LURAP1L: variants seen among roughly 807,000 people sequenced by gnomAD.
LURAP1L encodes the protein leucine rich adaptor protein 1 like.
LURAP1L carries 12 observed loss-of-function variants against 13.8 expected under a neutral mutation model. The observed-to-expected ratio is 0.87, with a 90% CI of 0.56 to 1.41. The LOEUF is 1.41. Among genes scored for constraint, LURAP1L ranks in the 40% most tolerant of loss-of-function variants. The pLI is 0.00. For synonymous variants in LURAP1L, 139 were observed against 119.2 expected (o/e 1.17, Z -1.08); for missense variants, 375 against 292.9 (o/e 1.28, Z -2.04).
chr9:12,780,842 C>G (rs1819259622), intron 1 of LURAP1L, among the ~76,000 whole-genome samples: 1 of 152,046 alleles, frequency 6.6e-6, no homozygotes, highest in East Asian at 1.9e-4. Flanking sequence ...TACTCCTCCC[C>G]ATTTTACTCT....
chr9:12,787,573 C>T lies in LURAP1L; in HGVS notation c.312+11546C>T, dbSNP rs547437148. 6.6e-5 allele frequency among the ~76,000 whole-genome samples: 10 copies of T among 152,300 alleles called. No individual in the cohort carries two copies. In the South Asian group the frequency reaches 1.9e-3, roughly 28 times the overall value. On this transcript the variant is annotated intron_variant, in intron 1 of 1. Transcript: ENST00000319264. ...GTTATCCAGACAAATTCTCTACTCT[C>T]ATCCTAGCCAGTTGATCATCAACCT...
chr9:12,777,259 G>A, intron 1 of LURAP1L: 3 of 985,328 alleles, frequency 3.0e-6, no homozygotes, highest in Non-Finnish European at 3.6e-6. Context: ...GAAAGTGGAA[G>A]TCATCTTGAT....
chr9:12,800,883 T>C (rs1819577035), intron 1 of LURAP1L, among the ~76,000 whole-genome samples: 1 of 152,124 alleles, frequency 6.6e-6, no homozygotes, highest in Non-Finnish European at 1.5e-5. Context: ...CTAATACACT[T>C]AGTAACCGGC....
intron 1 of LURAP1L, among the ~76,000 whole-genome samples, chr9:12,791,699 C>A (rs1036076864): frequency 1.3e-5 from 2 of 151,080 alleles, no homozygotes; most frequent in Admixed American, 1.3e-4. Context: ...TTTACACACA[C>A]ACACACACAC....
intron 1 of LURAP1L, among the ~76,000 whole-genome samples, chr9:12,793,982 G>A: frequency 6.6e-6 from 1 of 152,044 alleles, no homozygotes; most frequent in African/African-American, 2.4e-5. Flanking sequence ...GCACAAACTT[G>A]TTATTGGCAT....
chr9:12,822,732 C>T lies in LURAP1L; in HGVS notation c.*972C>T, dbSNP rs1180544851. ...ATTCATCCTAGTATAAATAAATAAT[C>T]TCTAAGTTTTCTGAAATGGAATATT... On this transcript the variant is annotated 3_prime_UTR_variant, in exon 2 of 2. Transcript: ENST00000319264. Among the ~76,000 whole-genome samples the T allele has an allele frequency of 6.6e-6, 1 of 152,064 alleles. No individual in the cohort carries two copies. The highest frequency in any genetic ancestry group is 1.5e-5 in the Non-Finnish European group (1 of 68,010).
intron 1 of LURAP1L, among the ~76,000 whole-genome samples, chr9:12,801,726 AC>A (rs1405494985): frequency 6.6e-6 from 1 of 152,226 alleles, no homozygotes; most frequent in African/African-American, 2.4e-5. Flanking sequence ...ATAAACACAG[AC>A]TTCAGGGAAA....
chr9:12,788,897 A>ATC (rs781365314), intron 1 of LURAP1L, among the ~76,000 whole-genome samples: 3 of 148,762 alleles, frequency 2.0e-5, no homozygotes, highest in Non-Finnish European at 4.5e-5. Context: ...CCCTATATCT[A>ATC]TATATATATA....
chr9:12,791,645 CCT>C (rs1205705267), intron 1 of LURAP1L, among the ~76,000 whole-genome samples: 5 of 150,172 alleles, frequency 3.3e-5, no homozygotes, highest in South Asian at 2.1e-4. Flanking sequence ...CCCCCGCCCT[CCT>C]CTCTCTCTCC....
At chr9:12,811,713 A>G (rs1819738387) in intron 1 of LURAP1L, among the ~76,000 whole-genome samples, 1 of 152,236 alleles carries the variant, frequency 6.6e-6, no homozygotes, top group Non-Finnish European at 1.5e-5. Context: ...CTATATACCA[A>G]CAGCATTGGT....
At chr9:12,790,182 A>C (rs1341351903) in intron 1 of LURAP1L, among the ~76,000 whole-genome samples, 1 of 152,132 alleles carries the variant, frequency 6.6e-6, no homozygotes. Context: ...AAAATTCTCT[A>C]TACATGACTT....
intron 1 of LURAP1L, among the ~76,000 whole-genome samples, chr9:12,815,104 A>G (rs570088627): frequency 7.2e-5 from 11 of 152,292 alleles, no homozygotes; most frequent in African/African-American, 2.6e-4. Flanking sequence ...ATTTTTATGG[A>G]TCTTCTGAGA....
In LURAP1L at chr9:12,775,763, G is replaced by A. The variant is rs1156362387; in HGVS notation, c.48G>A (p.Leu16=). The change falls in exon 1 of 2, where the codon CTG becomes CTA. Residue 16 remains leucine, a synonymous_variant. Transcript: ENST00000319264. ...ACCTCAGAGACATCGAGCTGAAGCT[G>A]GGGCGCAAAGTACCCGAGAGTCTAG... ...LPDLRDIELK[L]GRKVPESLVR... is the part of the protein sequence containing the mutation. The A allele has an allele frequency of 3.1e-6, 5 of 1,607,138 alleles. No homozygotes were observed. Among genetic ancestry groups the A allele is most frequent in the Non-Finnish European group, 4.2e-6 (5 of 1,177,864 alleles).
chr9:12,808,201 G>A (rs961335215), intron 1 of LURAP1L, among the ~76,000 whole-genome samples: 2 of 151,080 alleles, frequency 1.3e-5, no homozygotes, highest in East Asian at 1.9e-4. Flanking sequence ...AGTTTCTGCC[G>A]ATATATTTTT....
At chr9:12,811,426 G>A (rs1467732327) in intron 1 of LURAP1L, among the ~76,000 whole-genome samples, 1 of 152,112 alleles carries the variant, frequency 6.6e-6, no homozygotes, top group Admixed American at 6.5e-5. Flanking sequence ...TAAATCATCT[G>A]TCATTTCTCC....
chr9:12,786,782 G>A (rs969692492), intron 1 of LURAP1L, among the ~76,000 whole-genome samples: 2 of 151,468 alleles, frequency 1.3e-5, no homozygotes, highest in African/African-American at 4.8e-5. Context: ...AGAGTGATGT[G>A]TAAAACTAGA....
chr9:12,807,830 T>A (rs1816037759), intron 1 of LURAP1L, among the ~76,000 whole-genome samples: 1 of 152,200 alleles, frequency 6.6e-6, no homozygotes, highest in Non-Finnish European at 1.5e-5. Flanking sequence ...ATTTATATGA[T>A]TCTACTTTTT....
intron 1 of LURAP1L, among the ~76,000 whole-genome samples, chr9:12,786,581 T>TATATATATATATAA (rs61134838): frequency 3.3e-5 from 4 of 121,448 alleles, no homozygotes; most frequent in African/African-American, 8.4e-5. Flanking sequence ...TATATATATA[T>TATATATATATATAA]AAACCCTTGT....
intron 1 of LURAP1L, among the ~76,000 whole-genome samples, chr9:12,788,202 A>AAAG: frequency 6.6e-6 from 1 of 152,014 alleles, no homozygotes; most frequent in African/African-American, 2.4e-5. Flanking sequence ...AAAAGAAAAG[A>AAAG]AAAGAAAAGC....
Sources: allele counts gnomAD v4.1 joint callset (sites outside exome capture counted in the v4.1 genomes callset), GRCh38; gene constraint gnomAD v4.1.1; transcripts MANE v1.5; gene names NCBI Gene and HGNC (gene_info 2026-07-23, HGNC 2026-07-21).